Variants in TBL3 observed in about 807,000 individuals in gnomAD.
TBL3 encodes transducin beta-like protein 3.
A neutral mutation model predicts 102.7 loss-of-function variants in TBL3; 71 were observed. That is an observed-to-expected ratio of 0.69 (90% CI 0.57 to 0.84). TBL3 has a LOEUF of 0.84. Among genes scored for constraint, TBL3 ranks in the 40% least tolerant of loss-of-function variants. The pLI is 0.00. For missense variants in TBL3, 1,188 were observed against 1,098.5 expected, an observed-to-expected ratio of 1.08 and a Z score of -1.15; for synonymous variants, 578 against 477.7, an observed-to-expected ratio of 1.21 and a Z score of -2.74.
intron 16 of TBL3, 33 bp downstream of exon 16, chr16:1,977,459 G>C (rs759057834): frequency 6.8e-6 from 11 of 1,608,554 alleles, no homozygotes; most frequent in African/African-American, 2.7e-5. Flanking sequence ...GCGATGGAGT[G>C]GGGGGTGGCG....
rs758879478 is a variant in TBL3, at chr16:1,980,611, G to T, written c.*1926G>T. 2 of 1,591,736 alleles carry T rather than the reference G, an allele frequency of 1.3e-6. No individual in the cohort carries two copies. Among genetic ancestry groups the T allele is most frequent in the East Asian group, 2.3e-5 (1 of 44,100 alleles). Reference sequence around the variant, plus strand: ...GCTTCACTGGTCCCTGGCGCCCCCAGGCAAGCCACCGCCTTCCCCGCTCCC... The same window carrying T: ...GCTTCACTGGTCCCTGGCGCCCCCATGCAAGCCACCGCCTTCCCCGCTCCC... On this transcript the variant is annotated 3_prime_UTR_variant, in exon 22 of 22. Transcript: ENST00000568546.
chr16:1,980,941 T>C lies in TBL3; in HGVS notation c.*2256T>C. 1.2e-6 allele frequency: 2 copies of C among 1,609,862 alleles called. No homozygotes were observed. Among genetic ancestry groups the C allele is most frequent in the Non-Finnish European group, 1.7e-6 (2 of 1,177,396 alleles). On this transcript the variant is annotated 3_prime_UTR_variant, in exon 22 of 22. Coordinates refer to ENST00000568546, the MANE Select transcript of TBL3 (RefSeq NM_006453.3). ...CAGGGTGGCCCAGGGTCACTCACCT[T>C]GAGCTGCCTGAATTCGTCCCAACTC...
In TBL3 at chr16:1,979,083, T is replaced by G. The variant is rs2083437928; in HGVS notation, c.*398T>G. 1 of 1,524,386 alleles carries G rather than the reference T, an allele frequency of 6.6e-7. No individual in the cohort carries two copies. Among genetic ancestry groups the G allele is most frequent in the Admixed American group, 2.2e-5 (1 of 45,130 alleles). 94.4% of individuals were successfully genotyped at this position (1,524,386 alleles called of 1,614,324 possible). ...CTCCGTCGTGGGGTGCGGCACAGAG[T>G]CCACGCACCCTCGAGGGCGGCCCTG... On this transcript the variant is annotated 3_prime_UTR_variant, in exon 22 of 22. Coordinates refer to ENST00000568546, the MANE Select transcript of TBL3 (RefSeq NM_006453.3).
At chr16:1,972,720 C>T (rs1157387541) in intron 1 of TBL3, among the ~76,000 whole-genome samples, 3 of 152,216 alleles carry the variant, frequency 2.0e-5, no homozygotes, top group East Asian at 1.9e-4. Context: ...GCCCTGGCAG[C>T]GCAGCCTCAT....
At chr16:1,972,761 G>A (rs1359510918) in intron 1 of TBL3, among the ~76,000 whole-genome samples, 1 of 152,214 alleles carries the variant, frequency 6.6e-6, no homozygotes, top group East Asian at 1.9e-4. Context: ...CGGCTGTGGG[G>A]CTTTGGTTGT....
chr16:1,974,485 G>A, intron 4 of TBL3, 53 bp from the exon 5 acceptor site: 2 of 1,587,160 alleles, frequency 1.3e-6, no homozygotes, highest in Non-Finnish European at 1.7e-6. Flanking sequence ...CTGAGTCCAG[G>A]AAGATGTGAG....
chr16:1,972,232 G>A (rs1003101357), intron 1 of TBL3, 27 bp downstream of exon 1: 4 of 1,335,264 alleles, frequency 3.0e-6, no homozygotes, highest in South Asian at 1.9e-5. Context: ...GGGGCCGTGC[G>A]GGGAGGGAGC....
Position 1,982,402 on chromosome 16 carries a change from C to T in TBL3, c.*3717C>T, listed in dbSNP as rs565816111. The T allele has an allele frequency of 1.3e-5, 2 of 152,212 alleles. No homozygotes were observed. Among genetic ancestry groups the T allele is most frequent in the South Asian group, 4.1e-4 (2 of 4,822 alleles). The allele number at this position is 152,212 out of a possible 1,614,324, so 9.4% of individuals were successfully genotyped here. On this transcript the variant is annotated 3_prime_UTR_variant, in exon 22 of 22. Coordinates refer to ENST00000568546, the MANE Select transcript of TBL3 (RefSeq NM_006453.3). ...ACCTGGTGGGGTCCAGCGTGTGAACCCAGGGGAGACCTTGCTCCCCTGGAA... is the reference window on the plus strand; with the variant it reads ...ACCTGGTGGGGTCCAGCGTGTGAACTCAGGGGAGACCTTGCTCCCCTGGAA...
Position 1,977,967 on chromosome 16 carries a change from G to T in TBL3, c.1968G>T (p.Glu656Asp). The change falls in exon 19 of 22, where the codon GAG becomes GAT. Residue 656 changes from glutamate (E) to aspartate (D), a missense_variant. Physicochemically the swap from Glu to Asp is conservative, Grantham distance 45. Coordinates refer to ENST00000568546, the MANE Select transcript of TBL3 (RefSeq NM_006453.3). ...RQEEQVVRQQ[E>D]LDNLLHEKRY... ...CCTCCCCTCCCCACAGGCAGCAAGA[G>T]CTGGACAACCTGCTGCATGAGAAGC... 6.2e-7 allele frequency: 1 copy of T among 1,600,302 alleles called. No individual in the cohort carries two copies. Among genetic ancestry groups the T allele is most frequent in the South Asian group, 1.1e-5 (1 of 88,848 alleles).
Position 1,972,108 on chromosome 16 carries a change from G to A in TBL3, c.-57G>A. On this transcript the variant is annotated 5_prime_UTR_variant, in exon 1 of 22. Transcript: ENST00000568546. ...AGAGTTCGGTGCTAACCTCCCTCAC[G>A]CGGCGGTGGCTGCCGGGACCCTAGC... 2.0e-6 allele frequency: 3 copies of A among 1,464,122 alleles called. No homozygotes were observed. The highest frequency in any genetic ancestry group is 2.7e-6 in the Non-Finnish European group (3 of 1,105,906). The allele number at this position is 1,464,122 out of a possible 1,614,324, so 90.7% of individuals were successfully genotyped here.
At position 1,972,098 on chromosome 16, in the gene TBL3, C is replaced by G. The variant is rs972033110; in HGVS notation, c.-67C>G. The G allele has an allele frequency of 2.8e-6, 4 of 1,454,352 alleles. No homozygotes were observed. The highest frequency in any genetic ancestry group is 3.6e-6 in the Non-Finnish European group (4 of 1,099,888). The allele number at this position is 1,454,352 out of a possible 1,614,324, so 90.1% of individuals were successfully genotyped here. On this transcript the variant is annotated 5_prime_UTR_variant, in exon 1 of 22. Coordinates refer to ENST00000568546, the MANE Select transcript of TBL3 (RefSeq NM_006453.3). ...CGTTCTGTGAAGAGTTCGGTGCTAA[C>G]CTCCCTCACGCGGCGGTGGCTGCCG...
chr16:1,979,326 A>C lies in TBL3; in HGVS notation c.*641A>C, dbSNP rs1044381976. ...TTCCGGCCGCAGCAGCACCGCGGGG[A>C]GTAGGCCCGCCCGGTCGCCGTACCT... On this transcript the variant is annotated 3_prime_UTR_variant, in exon 22 of 22. Coordinates refer to ENST00000568546, the MANE Select transcript of TBL3 (RefSeq NM_006453.3). The C allele has an allele frequency of 4.4e-6, 7 of 1,574,082 alleles. No homozygotes were observed. In the African/African-American group the frequency reaches 9.5e-5, roughly 21 times the overall value.
Position 1,980,237 on chromosome 16 carries a change from G to C in TBL3, c.*1552G>C. ...TAGGCGGATGGGGAGGGTGAAACTG[G>C]GGGCGCCACCCCGGCAAGACCGCCA... is the stretch of plus-strand genomic sequence containing the variant. On this transcript the variant is annotated 3_prime_UTR_variant, in exon 22 of 22. Coordinates refer to ENST00000568546, the MANE Select transcript of TBL3 (RefSeq NM_006453.3). The C allele has an allele frequency of 6.5e-7, 1 of 1,537,950 alleles. No individual in the cohort carries two copies. Among genetic ancestry groups the C allele is most frequent in the Non-Finnish European group, 8.8e-7 (1 of 1,141,868 alleles).
chr16:1,980,603 C>T lies in TBL3; in HGVS notation c.*1918C>T, dbSNP rs760390471. The T allele has an allele frequency of 1.3e-6, 2 of 1,589,354 alleles. No individual in the cohort carries two copies. Among genetic ancestry groups the T allele is most frequent in the East Asian group, 2.3e-5 (1 of 44,048 alleles). ...CGCTTTGGGCTTCACTGGTCCCTGG[C>T]GCCCCCAGGCAAGCCACCGCCTTCC... On this transcript the variant is annotated 3_prime_UTR_variant, in exon 22 of 22. Transcript: ENST00000568546.
rs780018492 is a variant in TBL3 at position 1,979,197 on chromosome 16, G to A, written c.*512G>A. Reference sequence around the variant, plus strand: ...CGGCGAAGGTCGGGTGGGCACGGTGGGGGGAGGGGCGGTGGCCTGGGAGGG... The same window carrying A: ...CGGCGAAGGTCGGGTGGGCACGGTGAGGGGAGGGGCGGTGGCCTGGGAGGG... On this transcript the variant is annotated 3_prime_UTR_variant, in exon 22 of 22. Coordinates refer to ENST00000568546, the MANE Select transcript of TBL3 (RefSeq NM_006453.3). 33 of 1,462,932 alleles carry A rather than the reference G, an allele frequency of 2.3e-5. No individual in the cohort carries two copies. Among genetic ancestry groups the A allele is most frequent in the South Asian group, 1.4e-5 (1 of 73,584 alleles). 90.6% of individuals were successfully genotyped at this position (1,462,932 alleles called of 1,614,324 possible). A position where few individuals can be genotyped will look rare whatever the true frequency, so the allele number is the denominator to read the frequency against.
intron 11 of TBL3, 42 bp downstream of exon 11, chr16:1,975,991 G>A (rs373249330): frequency 9.7e-5 from 157 of 1,613,944 alleles, no homozygotes; most frequent in Non-Finnish European, 1.2e-4. Flanking sequence ...GAGCCGCCTC[G>A]GTCCCTTGCT....
rs528002653 is a variant in TBL3 at position 1,980,303 on chromosome 16, C to T, written c.*1618C>T. On this transcript the variant is annotated 3_prime_UTR_variant, in exon 22 of 22. Transcript: ENST00000568546. ...CCCCTATTCGCTGGCTGTTCCCCCC[C>T]ACCCTGGACCTCTCCCAGCTCCAAA... The T allele has an allele frequency of 3.4e-5, 52 of 1,540,942 alleles. No individual in the cohort carries two copies. Among genetic ancestry groups the T allele is most frequent in the Non-Finnish European group, 3.9e-5 (45 of 1,146,522 alleles).
At position 1,981,082 on chromosome 16, in the gene TBL3, T is replaced by C. The variant is rs1294023530; in HGVS notation, c.*2397T>C. ...GGTCCAGGCACCCCCTTCCTATCCC[T>C]TGGGGCCACTAAGGACCCAGCCAGG... On this transcript the variant is annotated 3_prime_UTR_variant, in exon 22 of 22. Coordinates refer to ENST00000568546, the MANE Select transcript of TBL3 (RefSeq NM_006453.3). 2 of 1,610,074 alleles carry C rather than the reference T, an allele frequency of 1.2e-6. No homozygotes were observed. The highest frequency in any genetic ancestry group is 8.5e-7 in the Non-Finnish European group (1 of 1,176,914).
Position 1,975,344 on chromosome 16 carries a change from G to A in TBL3, c.712-1G>A. ...CAGCCTGTGACCCAATTCGTCTCCAGAGCGTGGAGGCTGCTGTGCTGTTGC... is the reference window on the plus strand; with the variant it reads ...CAGCCTGTGACCCAATTCGTCTCCAAAGCGTGGAGGCTGCTGTGCTGTTGC... On this transcript the variant is annotated splice_acceptor_variant, in intron 8 of 21. Coordinates refer to ENST00000568546, the MANE Select transcript of TBL3 (RefSeq NM_006453.3). LOFTEE classifies it high-confidence loss of function. 1 of 1,614,090 alleles carries A rather than the reference G, an allele frequency of 6.2e-7. No homozygotes were observed. The highest frequency in any genetic ancestry group is 8.5e-7 in the Non-Finnish European group (1 of 1,180,034).
Sources: gnomAD v4.1 joint callset for allele counts (sites outside exome capture counted in the v4.1 genomes callset) on GRCh38, gnomAD v4.1.1 for gene constraint, MANE v1.5 for transcripts, NCBI Gene and HGNC (gene_info 2026-07-23, HGNC 2026-07-21) for gene names.